The following SH3PXD2B variants were observed in gnomAD, a reference collection of about 807,000 sequenced individuals.
SH3PXD2B encodes SH3 and PX domains 2B.
SH3PXD2B carries 37 observed loss-of-function variants against 73.1 expected under a neutral mutation model. The observed-to-expected ratio is 0.51, with a 90% CI of 0.39 to 0.67. The LOEUF (loss-of-function observed/expected upper bound fraction) is 0.67. Among genes scored for constraint, SH3PXD2B ranks in the 30% least tolerant of loss-of-function variants. The probability of loss-of-function intolerance (pLI) is 0.00; values close to 1 mark genes in which losing one functional copy is unlikely to be tolerated. For synonymous variants in SH3PXD2B, 457 were observed against 480.5 expected, an observed-to-expected ratio of 0.95 and a Z score of 0.64; for missense variants, 1,053 against 1,197.8, an observed-to-expected ratio of 0.88 and a Z score of 1.78.
intron 1 of SH3PXD2B, among the ~76,000 whole-genome samples, chr5:172,451,143 G>C (rs1018630785): frequency 6.6e-6 from 1 of 152,232 alleles, no homozygotes; most frequent in Non-Finnish European, 1.5e-5. Context: ...ATTTCAGAGG[G>C]AGCAGGTGGC....
At chr5:172,394,672 A>AG (rs1273845730) in intron 3 of SH3PXD2B, 33 bp from the exon 4 acceptor site, 1 of 1,610,280 alleles carries the variant, frequency 6.2e-7, no homozygotes, top group African/African-American at 1.3e-5. Context: ...CAGTGTTGTC[A>AG]GGGAACAGGG....
chr5:172,433,709 G>A (rs886970043), intron 1 of SH3PXD2B, among the ~76,000 whole-genome samples: 8 of 152,194 alleles, frequency 5.3e-5, no homozygotes, highest in Non-Finnish European at 8.8e-5. Flanking sequence ...CTTACTATGG[G>A]AGTGAGGTTA....
At chr5:172,411,107 G>A (rs1758680718) in intron 2 of SH3PXD2B, among the ~76,000 whole-genome samples, 1 of 152,206 alleles carries the variant, frequency 6.6e-6, no homozygotes, top group Non-Finnish European at 1.5e-5. Flanking sequence ...AGTCTCAGCT[G>A]TGGAGTATGT....
rs1234851274 is a variant in SH3PXD2B at position 172,368,526 on chromosome 5, T to TTATA, written c.427+5260_427+5263dup. On this transcript the variant is annotated intron_variant, in intron 6 of 12. Transcript: ENST00000311601. ...TATATATATATAAAATATATATATA[T>TTATA]TATATATATATATAAAATATATATA... Among the ~76,000 whole-genome samples the TTATA allele has an allele frequency of 4.9e-3, 35 of 7,096 alleles. 7 individuals carry two copies. Among genetic ancestry groups the TTATA allele is most frequent in the East Asian group, 0.025 (1 of 40 alleles). The allele number at this position is 7,096 out of a possible 152,430, so 4.7% of individuals were successfully genotyped here.
At chr5:172,426,817 G>A (rs536614764) in intron 1 of SH3PXD2B, among the ~76,000 whole-genome samples, 1 of 152,352 alleles carries the variant, frequency 6.6e-6, no homozygotes, top group East Asian at 1.9e-4. Context: ...AGCAGAGCCA[G>A]AGGGAGAGAG....
intron 2 of SH3PXD2B, among the ~76,000 whole-genome samples, chr5:172,416,936 T>C (rs1758840663): frequency 6.6e-6 from 1 of 152,048 alleles, no homozygotes; most frequent in South Asian, 2.1e-4. Flanking sequence ...CTTGAATTTC[T>C]GGGCTTAAGT....
intron 1 of SH3PXD2B, among the ~76,000 whole-genome samples, chr5:172,431,690 G>GCGCACA (rs140161656): frequency 2.0e-5 from 3 of 151,658 alleles, no homozygotes; most frequent in African/African-American, 4.8e-5. Context: ...GACACCCATT[G>GCGCACA]CACACACACA....
intron 1 of SH3PXD2B, among the ~76,000 whole-genome samples, chr5:172,439,809 T>TGGCCA (rs1225391918): frequency 6.9e-6 from 1 of 144,780 alleles, no homozygotes; most frequent in Non-Finnish European, 1.5e-5. Context: ...TTTCCAGGGT[T>TGGCCA]GGCCAGGCCA....
At chr5:172,395,745 T>C (rs1225440211) in intron 3 of SH3PXD2B, among the ~76,000 whole-genome samples, 1 of 151,646 alleles carries the variant, frequency 6.6e-6, no homozygotes, top group Non-Finnish European at 1.5e-5. Flanking sequence ...AAATCAGAAA[T>C]AAGATACAAA....
intron 1 of SH3PXD2B, among the ~76,000 whole-genome samples, chr5:172,447,883 G>C (rs1759708977): frequency 6.6e-6 from 1 of 152,190 alleles, no homozygotes; most frequent in South Asian, 2.1e-4. Flanking sequence ...TTGCACCTAT[G>C]GGGTGGGGTG....
At chr5:172,361,082 A>T (rs1035164012) in intron 7 of SH3PXD2B, among the ~76,000 whole-genome samples, 1 of 152,204 alleles carries the variant, frequency 6.6e-6, no homozygotes, top group African/African-American at 2.4e-5. Context: ...TTGGGTTTTT[A>T]AAAAACCCAC....
chr5:172,354,080 C>T, intron 8 of SH3PXD2B, 75 bp from the exon 9 acceptor site: 3 of 1,404,700 alleles, frequency 2.1e-6, no homozygotes, highest in Non-Finnish European at 3.0e-6. Context: ...CCGTGATGCC[C>T]TTGCCCGTCG....
In SH3PXD2B at chr5:172,404,666, C is replaced by T. The variant is rs114735416; in HGVS notation, c.232+1611G>A. On this transcript the variant is annotated intron_variant, in intron 3 of 12. Coordinates refer to ENST00000311601, the MANE Select transcript of SH3PXD2B (RefSeq NM_001017995.3). ...GGGTGATTGTCAGATTGCTGATTTT[C>T]AGTACATAAAAATCATCATAGTAAG... 4.4e-3 allele frequency among the ~76,000 whole-genome samples: 673 copies of T among 152,302 alleles called. 3 individuals carry two copies. The highest frequency in any genetic ancestry group is 7.8e-3 in the Non-Finnish European group (528 of 68,022).
chr5:172,376,687 C>A (rs745371889), intron 5 of SH3PXD2B, among the ~76,000 whole-genome samples: 1 of 152,158 alleles, frequency 6.6e-6, no homozygotes, highest in African/African-American at 2.4e-5. Context: ...ACCTTCACAG[C>A]GCCCATGCAG....
chr5:172,402,231 C>T (rs1209903775), intron 3 of SH3PXD2B, among the ~76,000 whole-genome samples: 1 of 152,182 alleles, frequency 6.6e-6, no homozygotes, highest in South Asian at 2.1e-4. Context: ...CTGTAGCACT[C>T]CCAGGCTTAT....
At position 172,339,550 on chromosome 5, in the gene SH3PXD2B, TCTC is replaced by T; in HGVS notation, c.1552_1554del (p.Glu518del). On this transcript the variant is annotated inframe_deletion, in exon 13 of 13. Transcript: ENST00000311601. This position sits in a 1 kb window ranked among gnomAD's most constrained non-coding sequence, Gnocchi z 6.1. ...TCTTTCCGCGGAGGGAGGCTGGGCT[TCTC>T]CTCCATGTCGGGGTCTGAGATCTCC... 1.2e-6 allele frequency: 2 copies of T among 1,614,184 alleles called. No homozygotes were observed. The highest frequency in any genetic ancestry group is 8.5e-7 in the Non-Finnish European group (1 of 1,180,034).
At chr5:172,380,827 G>A (rs2569225) in intron 5 of SH3PXD2B, among the ~76,000 whole-genome samples, 56,213 of 151,726 alleles carry the variant, frequency 0.37, 10,840 homozygotes, top group East Asian at 0.68. Context: ...GTGTTTACTC[G>A]CTCCGTGCTC....
chr5:172,430,122 T>G (rs1759199030), intron 1 of SH3PXD2B, among the ~76,000 whole-genome samples: 1 of 152,238 alleles, frequency 6.6e-6, no homozygotes, highest in Admixed American at 6.5e-5. Flanking sequence ...AATGAGAACA[T>G]GCATGTAGAT....
At chr5:172,391,620 G>A (rs1055953991) in intron 4 of SH3PXD2B, among the ~76,000 whole-genome samples, 1 of 152,016 alleles carries the variant, frequency 6.6e-6, no homozygotes, top group African/African-American at 2.4e-5. Context: ...GTGCCACTAA[G>A]CCCGGCTAGT....
Sources: allele counts gnomAD v4.1 joint callset (sites outside exome capture counted in the v4.1 genomes callset), GRCh38; gene constraint gnomAD v4.1.1; non-coding constraint Gnocchi (gnomAD v3.1); transcripts MANE v1.5; gene names NCBI Gene and HGNC (gene_info 2026-07-23, HGNC 2026-07-21).